NEO1: variants seen among roughly 807,000 people sequenced by gnomAD.
NEO1 encodes the protein neogenin 1.
Under a neutral mutation model 159.7 loss-of-function variants are expected in NEO1, and 63 were observed. That is an observed-to-expected ratio of 0.39 (90% confidence interval 0.32 to 0.49). The LOEUF is 0.49. Ranked by LOEUF, NEO1 falls within the 20% of genes least tolerant of loss-of-function variation. NEO1 has a pLI of 0.85. For synonymous variants in NEO1, 633 were observed against 662.0 expected, an observed-to-expected ratio of 0.96 and a Z score of 0.67; for missense variants, 1,615 against 1,831.0, an observed-to-expected ratio of 0.88 and a Z score of 2.15.
At chr15:73,150,237 T>G (rs2033263820) in intron 5 of NEO1, among the ~76,000 whole-genome samples, 1 of 152,244 alleles carries the variant, frequency 6.6e-6, no homozygotes, top group African/African-American at 2.4e-5. Flanking sequence ...TGCCATCCTT[T>G]TTAAATCATG....
At chr15:73,056,724 G>A (rs545496237) in intron 1 of NEO1, among the ~76,000 whole-genome samples, 23 of 151,896 alleles carry the variant, frequency 1.5e-4, no homozygotes, top group African/African-American at 5.1e-4. Context: ...AATTCCTTCA[G>A]CCACTCTTCA....
intron 1 of NEO1, among the ~76,000 whole-genome samples, chr15:73,074,230 G>A (rs988475275): frequency 6.6e-6 from 1 of 152,154 alleles, no homozygotes; most frequent in Admixed American, 6.5e-5. Flanking sequence ...GTTCTGCAGG[G>A]TAATTCAGTT....
At chr15:73,147,493 A>G (rs1596149826) in intron 5 of NEO1, among the ~76,000 whole-genome samples, 1 of 152,058 alleles carries the variant, frequency 6.6e-6, no homozygotes, top group Admixed American at 6.5e-5. Context: ...AGGCTTTCTC[A>G]CCTAAGTCTG....
At chr15:73,082,668 C>CAG (rs10643894) in intron 1 of NEO1, among the ~76,000 whole-genome samples, 134,797 of 152,110 alleles carry the variant, frequency 0.89, 60,483 homozygotes, top group African/African-American at 0.97. Context: ...AATAGACTAA[C>CAG]AGTTTTATCA....
chr15:73,168,015 C>T (rs2034693016), intron 5 of NEO1, among the ~76,000 whole-genome samples: 1 of 151,998 alleles, frequency 6.6e-6, no homozygotes, highest in Non-Finnish European at 1.5e-5. Context: ...TGATATAAAA[C>T]ATTGAATTCT....
At chr15:73,062,879 A>G (rs1324346739) in intron 1 of NEO1, among the ~76,000 whole-genome samples, 1 of 152,240 alleles carries the variant, frequency 6.6e-6, no homozygotes, top group African/African-American at 2.4e-5. Context: ...TGAAAAGTCT[A>G]GGCTAGAAAC....
chr15:73,061,539 G>A (rs1278498642), intron 1 of NEO1, among the ~76,000 whole-genome samples: 1 of 152,126 alleles, frequency 6.6e-6, no homozygotes, highest in Non-Finnish European at 1.5e-5. Context: ...CTACCCCTCT[G>A]GCCATGACAT....
chr15:73,063,982 C>G (rs879338209), intron 1 of NEO1, among the ~76,000 whole-genome samples: 3 of 152,040 alleles, frequency 2.0e-5, no homozygotes, highest in African/African-American at 4.8e-5. Flanking sequence ...GTTCAAAGCC[C>G]GAGAAGTAAG....
chr15:73,087,265 G>T (rs1293869769), intron 1 of NEO1, among the ~76,000 whole-genome samples: 1 of 152,142 alleles, frequency 6.6e-6, no homozygotes, highest in Non-Finnish European at 1.5e-5. Context: ...AGATCATGTG[G>T]TTTTCCTTTA....
intron 26 of NEO1, among the ~76,000 whole-genome samples, 179 bp downstream of exon 26, chr15:73,293,727 A>G (rs968476735): frequency 1.3e-5 from 2 of 152,222 alleles, no homozygotes; most frequent in African/African-American, 4.8e-5. Flanking sequence ...CCATATTTCT[A>G]CTTAAGTTTT....
intron 7 of NEO1, among the ~76,000 whole-genome samples, chr15:73,214,244 T>C (rs536119296): frequency 6.6e-6 from 1 of 152,366 alleles, no homozygotes; most frequent in African/African-American, 2.4e-5. Context: ...CTGCTGACTG[T>C]TACTTTTGCT....
At chr15:73,156,862 C>T (rs1191704979) in intron 5 of NEO1, among the ~76,000 whole-genome samples, 2 of 152,148 alleles carry the variant, frequency 1.3e-5, no homozygotes, top group Non-Finnish European at 2.9e-5. Context: ...ATGGTGGGTG[C>T]ATCTACCTTC....
chr15:73,236,400 C>T lies in NEO1; in HGVS notation c.1345C>T (p.Leu449=). The change falls in exon 8 of 29, where the codon CTG becomes TTG. Residue 449 remains leucine (L), a synonymous_variant. Coordinates refer to ENST00000261908, the MANE Select transcript of NEO1 (RefSeq NM_002499.4). ...AGCTCCTCGGGATGTCGTGGCCTCC[C>T]TGGTCTCTACCCGCTTCATCAAATT... The part of the protein sequence containing the change: ...PSAPRDVVAS[L]VSTRFIKLTW... The T allele has an allele frequency of 6.2e-7, 1 of 1,614,160 alleles. No homozygotes were observed. The highest frequency in any genetic ancestry group is 2.2e-5 in the East Asian group (1 of 44,872).
intron 1 of NEO1, among the ~76,000 whole-genome samples, chr15:73,064,982 T>A (rs1290837403): frequency 6.6e-6 from 1 of 152,116 alleles, no homozygotes; most frequent in Non-Finnish European, 1.5e-5. Flanking sequence ...TTATTTTAAG[T>A]TACTCTGTAT....
intron 1 of NEO1, among the ~76,000 whole-genome samples, chr15:73,057,767 A>G (rs1443312348): frequency 6.6e-6 from 1 of 152,140 alleles, no homozygotes; most frequent in Non-Finnish European, 1.5e-5. Flanking sequence ...ATCTTTTTAC[A>G]TTGTAATCAT....
chr15:73,224,146 C>G (rs1053816833), intron 7 of NEO1, among the ~76,000 whole-genome samples: 10 of 152,160 alleles, frequency 6.6e-5, no homozygotes, highest in Non-Finnish European at 1.3e-4. Flanking sequence ...CTTCTAGCTT[C>G]TAGGGTTTCT....
At chr15:73,183,294 C>G (rs1398725866) in intron 7 of NEO1, among the ~76,000 whole-genome samples, 1 of 151,998 alleles carries the variant, frequency 6.6e-6, no homozygotes, top group Non-Finnish European at 1.5e-5. Flanking sequence ...AGCCTCAAAC[C>G]AGTGGGGGAG....
At chr15:73,185,066 A>T (rs1041741580) in intron 7 of NEO1, among the ~76,000 whole-genome samples, 2 of 152,242 alleles carry the variant, frequency 1.3e-5, no homozygotes, top group African/African-American at 4.8e-5. Flanking sequence ...TTCCAACTAC[A>T]TGACATTCTA....
chr15:73,232,804 C>T (rs765051496), intron 7 of NEO1, among the ~76,000 whole-genome samples: 10 of 152,164 alleles, frequency 6.6e-5, no homozygotes, highest in African/African-American at 1.2e-4. Context: ...CTCTAATTGA[C>T]AACACTCCAT....
Sources: allele counts gnomAD v4.1 joint callset (sites outside exome capture counted in the v4.1 genomes callset), GRCh38; gene constraint gnomAD v4.1.1; transcripts MANE v1.5; gene names NCBI Gene and HGNC (gene_info 2026-07-23, HGNC 2026-07-21).